ANXA4: variants seen among roughly 807,000 people sequenced by gnomAD.
ANXA4 encodes the protein 35-beta calcimedin.
Under a neutral mutation model 49.8 loss-of-function variants are expected in ANXA4, and 39 were observed. That is an observed-to-expected ratio of 0.78 (90% CI 0.61 to 1.02). The LOEUF is 1.02. ANXA4 is among the 50% of genes least tolerant of loss of function. The pLI, the probability that ANXA4 is intolerant of heterozygous loss-of-function variation, is 0.00. For synonymous variants in ANXA4, 134 were observed against 152.5 expected, an observed-to-expected ratio of 0.88 and a Z score of 0.89; for missense variants, 360 against 410.1, an observed-to-expected ratio of 0.88 and a Z score of 1.05.
At chr2:69,753,715 A>G (rs893271636) in intron 1 of ANXA4, among the ~76,000 whole-genome samples, 1 of 152,108 alleles carries the variant, frequency 6.6e-6, no homozygotes, top group African/African-American at 2.4e-5. Context: ...TGGCTGTTCA[A>G]AGGGGGTTGC....
rs188275893 is a variant in ANXA4 at position 69,767,835 on chromosome 2, T to C, written c.-46-13685T>C. 1.4e-3 allele frequency among the ~76,000 whole-genome samples: 213 copies of C among 152,302 alleles called. 5 individuals carry two copies. In the South Asian group the frequency reaches 0.043, roughly 30 times the overall value. Reference sequence around the variant, plus strand: ...TTTAGCTCAGCAAGAAATGTAACAATTTAAAGTTTTTATTCTGTCATGATT... The same window carrying C: ...TTTAGCTCAGCAAGAAATGTAACAACTTAAAGTTTTTATTCTGTCATGATT... On this transcript the variant is annotated intron_variant, in intron 1 of 12. Coordinates refer to ENST00000394295, the MANE Select transcript of ANXA4 (RefSeq NM_001153.5).
rs1671762356 is a variant in ANXA4 at position 69,772,465 on chromosome 2, C to T, written c.-46-9055C>T. ...AACTTCCAGAAGAAAGGCTTTTCAGCCCTTGGGAGCTGTCATTCTGTGCAG... is the reference window on the plus strand; with the variant it reads ...AACTTCCAGAAGAAAGGCTTTTCAGTCCTTGGGAGCTGTCATTCTGTGCAG... On this transcript the variant is annotated intron_variant, in intron 1 of 12. Transcript: ENST00000394295. Among the ~76,000 whole-genome samples, 8 of 152,114 alleles carry T rather than the reference C, an allele frequency of 5.3e-5. No individual in the cohort carries two copies. The South Asian group carries it at 1.7e-3, about 32-fold the overall frequency.
At chr2:69,788,837 CAAA>C (rs34455712) in intron 3 of ANXA4, among the ~76,000 whole-genome samples, 6 of 82,012 alleles carry the variant, frequency 7.3e-5, no homozygotes, top group Admixed American at 1.4e-4. Context: ...GACTCCATCT[CAAA>C]AAAAAAAAAA....
chr2:69,732,973 T>C (rs1489961861), intron 3 of ANXA4, among the ~76,000 whole-genome samples: 1 of 152,174 alleles, frequency 6.6e-6, no homozygotes, highest in Non-Finnish European at 1.5e-5. Context: ...AATGGTAAAG[T>C]TGAGATTCAA....
chr2:69,693,423 C>G lies in ANXA4; in HGVS notation n.767-27351C>G, dbSNP rs535147608. ...GAGAGGGACAGGGGCCATAAGCAGACAACTGAGGAGCATGTTTCCATGCTA... is the reference window on the plus strand; with the variant it reads ...GAGAGGGACAGGGGCCATAAGCAGAGAACTGAGGAGCATGTTTCCATGCTA... On this transcript the variant is annotated intron_variant and non_coding_transcript_variant, in intron 2 of 3. Coordinates refer to the ANXA4 transcript ENST00000418066. 3.3e-5 allele frequency among the ~76,000 whole-genome samples: 5 copies of G among 152,256 alleles called. No homozygotes were observed. The South Asian group carries it at 1.0e-3, about 32-fold the overall frequency.
chr2:69,743,257 G>C (rs962163926), intron 1 of ANXA4, among the ~76,000 whole-genome samples: 1 of 151,820 alleles, frequency 6.6e-6, no homozygotes, highest in African/African-American at 2.4e-5. Flanking sequence ...TTGCTCTGTT[G>C]CCCAGGCTGG....
chr2:69,709,920 C>T (rs1265541113), intron 2 of ANXA4, among the ~76,000 whole-genome samples: 1 of 151,474 alleles, frequency 6.6e-6, no homozygotes, highest in Non-Finnish European at 1.5e-5. Context: ...GTAACTTAAA[C>T]ACCAGCCATA....
chr2:69,807,262 G>C (rs896776126), intron 5 of ANXA4, among the ~76,000 whole-genome samples: 1 of 152,032 alleles, frequency 6.6e-6, no homozygotes, highest in African/African-American at 2.4e-5. Context: ...AACTACTTTT[G>C]AGATATGTAA....
At chr2:69,819,431 C>A in intron 11 of ANXA4, 93 bp downstream of exon 11, 1 of 876,094 alleles carries the variant, frequency 1.1e-6, no homozygotes, top group African/African-American at 1.7e-5. Context: ...AAACTTTGCT[C>A]TGAAAGATCC....
intron 2 of ANXA4, among the ~76,000 whole-genome samples, chr2:69,707,739 A>G (rs766008454): frequency 4.6e-5 from 7 of 152,196 alleles, no homozygotes; most frequent in African/African-American, 7.2e-5. Flanking sequence ...AAACAACCCA[A>G]TTATACTCTT....
intron 2 of ANXA4, among the ~76,000 whole-genome samples, chr2:69,706,977 C>G (rs1181939100): frequency 2.0e-5 from 3 of 152,114 alleles, no homozygotes; most frequent in South Asian, 4.1e-4. Context: ...GTTGGAAAAC[C>G]CTTTCATTCC....
At chr2:69,704,710 T>C (rs558945252) in intron 2 of ANXA4, among the ~76,000 whole-genome samples, 2 of 152,288 alleles carry the variant, frequency 1.3e-5, no homozygotes, top group South Asian at 2.1e-4. Flanking sequence ...GCTTGCATCA[T>C]GTTTGCTAAT....
chr2:69,654,919 A>G (rs561348229), intron 2 of ANXA4, among the ~76,000 whole-genome samples: 56 of 152,352 alleles, frequency 3.7e-4, no homozygotes, highest in African/African-American at 1.3e-3. Flanking sequence ...AAAAACAAGC[A>G]ATGGGGAAAG....
At chr2:69,740,216 T>C (rs1402934707), upstream of ANXA4, among the ~76,000 whole-genome samples, 1 of 152,140 alleles carries the variant, frequency 6.6e-6, no homozygotes, top group African/African-American at 2.4e-5. Flanking sequence ...CTTTTTCTTT[T>C]TCTTTTTTAG....
intron 3 of ANXA4, among the ~76,000 whole-genome samples, chr2:69,727,308 C>T (rs1253504745): frequency 6.6e-6 from 1 of 152,198 alleles, no homozygotes; most frequent in Non-Finnish European, 1.5e-5. Context: ...CACATTTGTT[C>T]AGCTTAAATT....
intron 3 of ANXA4, among the ~76,000 whole-genome samples, chr2:69,789,881 C>T (rs1227027699): frequency 6.6e-6 from 1 of 152,140 alleles, no homozygotes; most frequent in Non-Finnish European, 1.5e-5. Context: ...CTTGCAGCTG[C>T]AGACATCCAC....
intron 1 of ANXA4, among the ~76,000 whole-genome samples, chr2:69,742,404 A>G (rs889069884): frequency 3.3e-5 from 5 of 152,172 alleles, no homozygotes; most frequent in Non-Finnish European, 7.4e-5. Context: ...AACCGCTGGC[A>G]CCATCCAGGA....
intron 12 of ANXA4, among the ~76,000 whole-genome samples, chr2:69,825,079 A>C (rs2103915755): frequency 6.6e-6 from 1 of 150,442 alleles, no homozygotes. Context: ...AAAAAAAAAA[A>C]AAAAAAAAAA....
intron 1 of ANXA4, among the ~76,000 whole-genome samples, chr2:69,779,051 T>G (rs920740989): frequency 2.3e-5 from 3 of 129,970 alleles, no homozygotes; most frequent in African/African-American, 6.0e-5. Context: ...GAGGTTGCAG[T>G]GAGCCAAGAT....
Sources: gnomAD v4.1 joint callset for allele counts (sites outside exome capture counted in the v4.1 genomes callset) on GRCh38, gnomAD v4.1.1 for gene constraint, MANE v1.5 for transcripts, NCBI Gene and HGNC (gene_info 2026-07-23, HGNC 2026-07-21) for gene names.